Variants in TUSC3 observed in about 807,000 individuals in gnomAD.
TUSC3 encodes the protein dolichyl-diphosphooligosaccharide--protein glycosyltransferase subunit TUSC3.
In TUSC3, 45 loss-of-function variants were observed where a neutral mutation model predicts 44.8. The observed-to-expected ratio is 1.00, with a 90% CI of 0.79 to 1.29. The LOEUF is 1.29. TUSC3 is among the 50% of genes most tolerant of loss of function. The pLI, the probability that TUSC3 is intolerant of heterozygous loss-of-function variation, is 0.00. For missense variants in TUSC3, 519 were observed against 437.9 expected (o/e 1.19, Z -1.65); for synonymous variants, 212 against 152.9 (o/e 1.39, Z -2.85).
chr8:15,707,522 A>T (rs559722843), intron 6 of TUSC3, among the ~76,000 whole-genome samples: 1 of 151,956 alleles, frequency 6.6e-6, no homozygotes, highest in Admixed American at 6.6e-5. Flanking sequence ...TTCTCTCTTG[A>T]TGTTTTCCCA....
intron 6 of TUSC3, among the ~76,000 whole-genome samples, chr8:15,703,855 CA>C (rs1809504717): frequency 6.6e-6 from 1 of 152,088 alleles, no homozygotes; most frequent in African/African-American, 2.4e-5. Flanking sequence ...TTGGAGGGGA[CA>C]AACATACAAA....
chr8:15,461,755 GAAA>G (rs148240096), intron 1 of TUSC3, among the ~76,000 whole-genome samples: 4 of 145,330 alleles, frequency 2.8e-5, no homozygotes, highest in African/African-American at 1.0e-4. Flanking sequence ...GAAAAAAAAA[GAAA>G]AAAAAGAAAA....
intron 2 of TUSC3, among the ~76,000 whole-genome samples, chr8:15,534,208 A>C (rs1801490762): frequency 6.6e-6 from 1 of 152,184 alleles, no homozygotes; most frequent in Non-Finnish European, 1.5e-5. Context: ...AAAAGATCTT[A>C]GTTGCAAGAT....
intron 2 of TUSC3, among the ~76,000 whole-genome samples, chr8:15,486,220 C>T (rs1800730669): frequency 6.6e-6 from 1 of 152,104 alleles, no homozygotes; most frequent in Admixed American, 6.5e-5. Flanking sequence ...TATTTGTCAA[C>T]TGTAAAGCCG....
chr8:15,675,906 T>C (rs1014327543), intron 6 of TUSC3, among the ~76,000 whole-genome samples: 3 of 152,194 alleles, frequency 2.0e-5, no homozygotes, highest in African/African-American at 7.2e-5. Flanking sequence ...TACAAGTGTA[T>C]GTGTCTTTTT....
At chr8:15,700,334 AT>A (rs765633706) in intron 6 of TUSC3, among the ~76,000 whole-genome samples, 1 of 152,028 alleles carries the variant, frequency 6.6e-6, no homozygotes, top group African/African-American at 2.4e-5. Flanking sequence ...GAATTCCTGT[AT>A]TTGTGAAGTT....
At chr8:15,600,240 G>T (rs149473247) in intron 1 of TUSC3, among the ~76,000 whole-genome samples, 67 of 151,838 alleles carry the variant, frequency 4.4e-4, no homozygotes, top group African/African-American at 1.6e-3. Flanking sequence ...AAGACCATTT[G>T]ACAGTAGGGA....
intron 1 of TUSC3, among the ~76,000 whole-genome samples, chr8:15,546,778 G>T (rs566828168): frequency 1.1e-4 from 16 of 151,630 alleles, no homozygotes; most frequent in Non-Finnish European, 2.1e-4. Flanking sequence ...CAGGTGATCT[G>T]CCCGTCTCGG....
chr8:15,595,225 C>A (rs1241047152), intron 1 of TUSC3, among the ~76,000 whole-genome samples: 1 of 152,162 alleles, frequency 6.6e-6, no homozygotes, highest in African/African-American at 2.4e-5. Context: ...CTTTTCCCAG[C>A]CTCTGGTAAT....
At chr8:15,565,979 A>G (rs376624628) in intron 1 of TUSC3, among the ~76,000 whole-genome samples, 21 of 152,184 alleles carry the variant, frequency 1.4e-4, no homozygotes, top group African/African-American at 4.8e-4. Context: ...ATGACTTATT[A>G]AAAACTAAAT....
intron 9 of TUSC3, among the ~76,000 whole-genome samples, chr8:15,749,525 G>A (rs1585300741): frequency 6.6e-6 from 1 of 152,122 alleles, no homozygotes; most frequent in East Asian, 2.0e-4. Flanking sequence ...GGGAATGGAA[G>A]AAATGTGGGT....
the TUSC3 span, among the ~76,000 whole-genome samples, chr8:15,832,996 T>C: frequency 6.6e-6 from 1 of 152,118 alleles, no homozygotes; most frequent in Non-Finnish European, 1.5e-5. Context: ...CATCATGACA[T>C]GGCACTTACT....
intron 1 of TUSC3, among the ~76,000 whole-genome samples, chr8:15,467,937 A>G (rs1165010905): frequency 3.3e-5 from 5 of 152,204 alleles, no homozygotes; most frequent in Non-Finnish European, 5.9e-5. Context: ...TGTTATACAA[A>G]TTTTAAAAAC....
chr8:15,584,927 T>C (rs1052882899), intron 1 of TUSC3, among the ~76,000 whole-genome samples: 2 of 152,194 alleles, frequency 1.3e-5, no homozygotes. Flanking sequence ...GTAGTTTATA[T>C]TGTAGGAGAC....
rs549830789 is a variant in TUSC3, at chr8:15,545,196, A to G, written c.138+4628A>G. Among the ~76,000 whole-genome samples the G allele has an allele frequency of 1.2e-3, 179 of 151,770 alleles. 1 individual carries two copies. Among genetic ancestry groups the G allele is most frequent in the African/African-American group, 4.1e-3 (171 of 41,512 alleles). On this transcript the variant is annotated intron_variant, in intron 1 of 10. Coordinates refer to ENST00000503731, the MANE Select transcript of TUSC3 (RefSeq NM_006765.4). ...GGTGGTCAGTATTACTGTCATAACT[A>G]TTAAATATTTCTTCCTTGAAAGCAA... is the stretch of plus-strand genomic sequence containing the variant.
chr8:15,779,620 C>T, the TUSC3 span, among the ~76,000 whole-genome samples: 34 of 152,184 alleles, frequency 2.2e-4, no homozygotes, highest in Non-Finnish European at 2.9e-4. Flanking sequence ...TCGATAATTA[C>T]TGAAAAGAGG....
intron 4 of TUSC3, among the ~76,000 whole-genome samples, chr8:15,661,096 A>C (rs1807403857): frequency 1.3e-5 from 2 of 151,948 alleles, no homozygotes; most frequent in Non-Finnish European, 2.9e-5. Flanking sequence ...CTCTCCACAC[A>C]TGCAGACACA....
chr8:15,513,155 A>T (rs978715274), intron 2 of TUSC3, among the ~76,000 whole-genome samples: 1 of 151,776 alleles, frequency 6.6e-6, no homozygotes, highest in Non-Finnish European at 1.5e-5. Flanking sequence ...GTGACATCAT[A>T]TACAAAAAAT....
chr8:15,534,175 T>G (rs1438105005), intron 2 of TUSC3, among the ~76,000 whole-genome samples: 1 of 152,154 alleles, frequency 6.6e-6, no homozygotes, highest in African/African-American at 2.4e-5. Context: ...ACAGCCTTAT[T>G]ACTATAATTA....
Sources: gnomAD v4.1 joint callset for allele counts (sites outside exome capture counted in the v4.1 genomes callset) on GRCh38, gnomAD v4.1.1 for gene constraint, MANE v1.5 for transcripts, NCBI Gene and HGNC (gene_info 2026-07-23, HGNC 2026-07-21) for gene names.